IKBKB: variants seen among roughly 807,000 people sequenced by gnomAD.
The protein encoded by IKBKB is inhibitor of nuclear factor kappa B kinase subunit beta.
Under a neutral mutation model 113.6 loss-of-function variants are expected in IKBKB, and 42 were observed. The ratio of observed to expected loss-of-function variants is 0.37; its 90% CI spans 0.29 to 0.48. IKBKB has a LOEUF of 0.48. IKBKB is among the 20% of genes least tolerant of loss of function. The pLI is 0.99. For missense variants in IKBKB, 673 were observed against 939.7 expected, an observed-to-expected ratio of 0.72 and a Z score of 3.71; for synonymous variants, 296 against 361.3, an observed-to-expected ratio of 0.82 and a Z score of 2.05.
At chr8:42,287,514 G>A (rs567572507) in intron 2 of IKBKB, among the ~76,000 whole-genome samples, 4 of 152,366 alleles carry the variant, frequency 2.6e-5, no homozygotes, top group African/African-American at 4.8e-5. Context: ...AGGGCCAAGC[G>A]CCAGGGTGGG....
chr8:42,274,428 A>G (rs1323764947), intron 2 of IKBKB, among the ~76,000 whole-genome samples: 1 of 152,058 alleles, frequency 6.6e-6, no homozygotes, highest in Non-Finnish European at 1.5e-5. Flanking sequence ...CCCATTAACC[A>G]GTCTCTCCCT....
chr8:42,282,253 A>C (rs1166217465), intron 2 of IKBKB, among the ~76,000 whole-genome samples: 1 of 152,164 alleles, frequency 6.6e-6, no homozygotes, highest in Non-Finnish European at 1.5e-5. Flanking sequence ...GCATGATCAC[A>C]GCTCAACGCA....
chr8:42,315,485 G>T (rs571919604), intron 9 of IKBKB, among the ~76,000 whole-genome samples: 1 of 152,098 alleles, frequency 6.6e-6, no homozygotes, highest in Non-Finnish European at 1.5e-5. Context: ...CTCAGGGAAG[G>T]GTTTGAGTGC....
chr8:42,284,049 G>C (rs1189362898), intron 2 of IKBKB, among the ~76,000 whole-genome samples: 2 of 152,216 alleles, frequency 1.3e-5, no homozygotes, highest in Non-Finnish European at 2.9e-5. Context: ...CCGCCTAACT[G>C]GAGGCAAGTG....
rs767433264 is a variant in IKBKB, at chr8:42,326,017, C to T, written c.2034C>T (p.Ala678=). 1 of 1,614,252 alleles carries T rather than the reference C, an allele frequency of 6.2e-7. No homozygotes were observed. Among genetic ancestry groups the T allele is most frequent in the Non-Finnish European group, 8.5e-7 (1 of 1,180,048 alleles). The change falls in exon 20 of 22, where the codon GCC becomes GCT. Residue 678 remains alanine, a synonymous_variant. Coordinates refer to ENST00000520810, the MANE Select transcript of IKBKB (RefSeq NM_001556.3). ...GTGGAAGCCCGGATAGCATGAATGCCTCTCGACTTAGCCAGCCTGGGCAGC... is the reference window on the plus strand; with the variant it reads ...GTGGAAGCCCGGATAGCATGAATGCTTCTCGACTTAGCCAGCCTGGGCAGC... ...PVSGSPDSMN[A]SRLSQPGQLM...
chr8:42,319,726 A>T, intron 15 of IKBKB, 80 bp downstream of exon 15: 1 of 1,178,992 alleles, frequency 8.5e-7, no homozygotes, highest in East Asian at 2.4e-5. Flanking sequence ...CTCATCAAAC[A>T]CTGGGTCGAT....
In IKBKB at chr8:42,323,444, G is replaced by A. The variant is rs117149158; in HGVS notation, c.1986+950G>A. 5.6e-4 allele frequency among the ~76,000 whole-genome samples: 86 copies of A among 152,330 alleles called. No individual in the cohort carries two copies. In the East Asian group the frequency reaches 0.016, roughly 28 times the overall value. Reference sequence around the variant, plus strand: ...AAACAAAACAGCCAAGAACTGAGACGGGCAGGCCTGGCCGTGTTGTGGGAG... The same window carrying A: ...AAACAAAACAGCCAAGAACTGAGACAGGCAGGCCTGGCCGTGTTGTGGGAG... On this transcript the variant is annotated intron_variant, in intron 19 of 21. Transcript: ENST00000520810.
chr8:42,272,198 A>G lies in IKBKB; in HGVS notation c.98A>G (p.His33Arg). 1 of 1,614,152 alleles carries G rather than the reference A, an allele frequency of 6.2e-7. No homozygotes were observed. Among genetic ancestry groups the G allele is most frequent in the East Asian group, 2.2e-5 (1 of 44,874 alleles). Reference protein sequence around the residue: ...TGGFGNVIRWHNQETGEQIAI... With the variant: ...TGGFGNVIRWRNQETGEQIAI... ...GGATTTGGAAATGTCATCCGATGGC[A>G]CAATCAGGTAGGCCCTCTGTGCAGC... is the stretch of plus-strand genomic sequence containing the variant. The change falls in exon 2 of 22, where the codon CAC (histidine) becomes CGC (arginine). Residue 33 changes from histidine (H) to arginine (R), a missense_variant. Transcript: ENST00000520810.
chr8:42,289,482 T>C (rs544513604), intron 3 of IKBKB, among the ~76,000 whole-genome samples: 1 of 152,356 alleles, frequency 6.6e-6, no homozygotes, highest in Admixed American at 6.5e-5. Flanking sequence ...TCTGCTGTCA[T>C]GCTGTCGCTG....
chr8:42,292,095 A>G (rs1325341693), intron 4 of IKBKB, among the ~76,000 whole-genome samples: 3 of 152,192 alleles, frequency 2.0e-5, no homozygotes, highest in South Asian at 2.1e-4. Context: ...ATCACCCACA[A>G]TGAGAGATGG....
intron 2 of IKBKB, among the ~76,000 whole-genome samples, chr8:42,277,726 G>T (rs1205664512): frequency 6.6e-6 from 1 of 152,138 alleles, no homozygotes; most frequent in Non-Finnish European, 1.5e-5. Context: ...GGTTCTCCCG[G>T]TGAGTTCCTC....
intron 5 of IKBKB, among the ~76,000 whole-genome samples, chr8:42,303,378 TC>T (rs1053042429): frequency 2.0e-5 from 3 of 152,198 alleles, no homozygotes; most frequent in Non-Finnish European, 1.5e-5. Context: ...CTAATGACTG[TC>T]TGTTTCTAAT....
At chr8:42,325,605 G>A (rs577727636) in intron 19 of IKBKB, 7 of 903,914 alleles carry the variant, frequency 7.7e-6, no homozygotes, top group East Asian at 2.2e-4. Context: ...CTTAAACCCC[G>A]GAGGTGGAGG....
chr8:42,281,221 T>A (rs1177172074), intron 2 of IKBKB, among the ~76,000 whole-genome samples: 1 of 152,070 alleles, frequency 6.6e-6, no homozygotes, highest in Non-Finnish European at 1.5e-5. Context: ...AGGTACACTT[T>A]CGAGGGCCTG....
intron 2 of IKBKB, among the ~76,000 whole-genome samples, chr8:42,282,819 T>C (rs982744085): frequency 2.6e-5 from 4 of 152,216 alleles, no homozygotes; most frequent in African/African-American, 7.2e-5. Context: ...AATGAAACAT[T>C]ACTCATGGAA....
chr8:42,296,649 C>CA (rs34947916), intron 5 of IKBKB, among the ~76,000 whole-genome samples: 4,773 of 117,092 alleles, frequency 0.041, 92 homozygotes, highest in Non-Finnish European at 0.06. Flanking sequence ...AACTCCATCT[C>CA]AAAAAAAAAA....
intron 2 of IKBKB, among the ~76,000 whole-genome samples, chr8:42,280,534 G>C (rs1297914441): frequency 1.3e-5 from 2 of 152,206 alleles, no homozygotes; most frequent in Non-Finnish European, 2.9e-5. Flanking sequence ...TCCTGGCTCT[G>C]TCAGCGTCTT....
At chr8:42,300,009 C>T (rs1332787106) in intron 5 of IKBKB, among the ~76,000 whole-genome samples, 2 of 152,224 alleles carry the variant, frequency 1.3e-5, no homozygotes, top group Admixed American at 6.5e-5. Context: ...GGCTTTGATT[C>T]AGTGGCATGT....
chr8:42,317,693 T>C lies in IKBKB; in HGVS notation c.1162T>C (p.Phe388Leu). The C allele has an allele frequency of 6.2e-7, 1 of 1,614,112 alleles. No individual in the cohort carries two copies. The highest frequency in any genetic ancestry group is 8.5e-7 in the Non-Finnish European group (1 of 1,179,940). Reference sequence around the variant, plus strand: ...CCACACATTGGACATGGATCTTGTTTTTCTCTTTGACAACAGTAAAATCAC... The same window carrying C: ...CCACACATTGGACATGGATCTTGTTCTTCTCTTTGACAACAGTAAAATCAC... ...EGHTLDMDLV[F>L]LFDNSKITYE... Residue 388 changes from phenylalanine to leucine, a missense_variant, in exon 12 of 22, where the codon TTT becomes CTT. By Grantham distance (22) the Phe-to-Leu change is conservative. Around this residue, in one of 2 missense-constraint regions of IKBKB, gnomAD observed 506 missense variants for 638.7 expected, o/e 0.79. Transcript: ENST00000520810.
Sources: allele counts gnomAD v4.1 joint callset (sites outside exome capture counted in the v4.1 genomes callset), GRCh38; gene constraint gnomAD v4.1.1; regional missense constraint gnomAD v4.1.1; transcripts MANE v1.5; gene names NCBI Gene and HGNC (gene_info 2026-07-23, HGNC 2026-07-21).